The following HPSE2 variants were observed in gnomAD, a reference collection of about 807,000 sequenced individuals.
HPSE2 encodes the protein inactive heparanase-2.
A neutral mutation model predicts 60.5 loss-of-function variants in HPSE2; 38 were observed. That is an observed-to-expected ratio of 0.63 (90% confidence interval 0.48 to 0.82). The LOEUF (loss-of-function observed/expected upper bound fraction) is 0.82, where lower values mean the gene tolerates loss of function less well. Among genes scored for constraint, HPSE2 ranks in the 40% least tolerant of loss-of-function variants. The pLI is 0.00. For missense variants in HPSE2, 713 were observed against 740.4 expected (o/e 0.96, Z 0.43); for synonymous variants, 295 against 293.2 (o/e 1.01, Z -0.06).
intron 4 of HPSE2, among the ~76,000 whole-genome samples, chr10:98,741,092 TTTA>T (rs1270111183): frequency 6.6e-6 from 1 of 152,162 alleles, no homozygotes; most frequent in Non-Finnish European, 1.5e-5. Flanking sequence ...TTAATAATCA[TTTA>T]TTATTTATTA....
intron 3 of HPSE2, among the ~76,000 whole-genome samples, chr10:99,063,200 T>C (rs569489727): frequency 6.6e-6 from 1 of 152,266 alleles, no homozygotes; most frequent in South Asian, 2.1e-4. Flanking sequence ...ATAAATTTTT[T>C]GGAAGAAAAG....
At chr10:98,985,246 G>T (rs1956312853) in intron 3 of HPSE2, among the ~76,000 whole-genome samples, 1 of 152,160 alleles carries the variant, frequency 6.6e-6, no homozygotes, top group Non-Finnish European at 1.5e-5. Context: ...AGAGAGAAAG[G>T]TCAGGTTACC....
intron 3 of HPSE2, among the ~76,000 whole-genome samples, chr10:99,005,638 A>G (rs1321244149): frequency 6.6e-6 from 1 of 152,078 alleles, no homozygotes; most frequent in Non-Finnish European, 1.5e-5. Flanking sequence ...ACTGTTTTTT[A>G]GGCAGTTCAT....
At chr10:98,670,803 T>C (rs1947486635) in intron 6 of HPSE2, among the ~76,000 whole-genome samples, 2 of 152,250 alleles carry the variant, frequency 1.3e-5, no homozygotes, top group African/African-American at 4.8e-5. Flanking sequence ...ACATATCCCC[T>C]AGATTGCTCA....
At chr10:98,477,586 C>G (rs190056912) in intron 11 of HPSE2, among the ~76,000 whole-genome samples, 85 of 152,340 alleles carry the variant, frequency 5.6e-4, no homozygotes, top group Non-Finnish European at 7.6e-4. Flanking sequence ...AGGGAGAACA[C>G]TGGGATCTGA....
chr10:98,735,409 G>T (rs1367138119), intron 4 of HPSE2, among the ~76,000 whole-genome samples: 1 of 150,856 alleles, frequency 6.6e-6, no homozygotes, highest in African/African-American at 2.4e-5. Context: ...CTACAGGGGT[G>T]AAGCCCTCAC....
chr10:98,953,503 G>C (rs565962075), intron 3 of HPSE2, among the ~76,000 whole-genome samples: 2 of 152,190 alleles, frequency 1.3e-5, no homozygotes, highest in East Asian at 3.9e-4. Flanking sequence ...TTCTACCCCC[G>C]ATCTAGGTCT....
Position 99,132,570 on chromosome 10 carries a change from T to C in HPSE2, c.610+11668A>G, listed in dbSNP as rs573911663. Among the ~76,000 whole-genome samples the C allele has an allele frequency of 4.6e-5, 7 of 152,004 alleles. No homozygotes were observed. In the East Asian group the frequency reaches 1.2e-3, roughly 26 times the overall value. ...GTTCATCGCATTGGGTCTGGTTGGA[T>C]AGTAGGTGCAGCCCATGGAGAGCAA... is the stretch of plus-strand genomic sequence containing the variant. On this transcript the variant is annotated intron_variant, in intron 3 of 11. Coordinates refer to ENST00000370552, the MANE Select transcript of HPSE2 (RefSeq NM_021828.5).
chr10:99,014,174 A>G (rs767639770), intron 3 of HPSE2, among the ~76,000 whole-genome samples: 7 of 152,214 alleles, frequency 4.6e-5, no homozygotes, highest in South Asian at 2.1e-4. Context: ...GCTCGTGGAC[A>G]TTGCCACCAA....
chr10:98,664,408 G>A (rs1947306615), intron 6 of HPSE2, among the ~76,000 whole-genome samples: 1 of 152,106 alleles, frequency 6.6e-6, no homozygotes, highest in South Asian at 2.1e-4. Context: ...CAAGAAGGGT[G>A]TAGCCTGTTT....
At chr10:99,211,002 A>C (rs968476020) in intron 2 of HPSE2, among the ~76,000 whole-genome samples, 18 of 152,300 alleles carry the variant, frequency 1.2e-4, no homozygotes, top group African/African-American at 4.3e-4. Context: ...ACATAATCTT[A>C]TATCTAGAAA....
At position 98,721,668 on chromosome 10, in the gene HPSE2, G is replaced by T; in HGVS notation, c.945C>A (p.Ala315=). ...ATAATCTGACCTACCCATCTAGGAG[G>T]GCGATGACATTCTTCCTCGGCCGCC... ...NIGRPRKNVI[A]LLDGFMKVAG... The change falls in exon 5 of 12, where the codon GCC becomes GCA. Residue 315 remains alanine, a synonymous_variant. Coordinates refer to ENST00000370552, the MANE Select transcript of HPSE2 (RefSeq NM_021828.5). 6.2e-7 allele frequency: 1 copy of T among 1,613,526 alleles called. No homozygotes were observed.
chr10:98,740,513 TTC>T (rs1199705142), intron 4 of HPSE2, among the ~76,000 whole-genome samples: 1 of 152,140 alleles, frequency 6.6e-6, no homozygotes. Context: ...ATCCTAACCT[TTC>T]TCATCTTTGC....
At chr10:98,506,169 CTT>C (rs1942193099) in intron 9 of HPSE2, among the ~76,000 whole-genome samples, 1 of 152,018 alleles carries the variant, frequency 6.6e-6, no homozygotes, top group African/African-American at 2.4e-5. Context: ...AGTAGGGAAT[CTT>C]TATTTTCTCT....
At chr10:99,164,406 AT>A (rs1385256100) in intron 2 of HPSE2, among the ~76,000 whole-genome samples, 35 of 148,468 alleles carry the variant, frequency 2.4e-4, no homozygotes, top group Admixed American at 5.4e-4. Flanking sequence ...TCCTCAATCT[AT>A]TTTTTTTTAA....
At chr10:98,866,957 A>C (rs962596387) in intron 3 of HPSE2, among the ~76,000 whole-genome samples, 2 of 152,200 alleles carry the variant, frequency 1.3e-5, no homozygotes, top group African/African-American at 4.8e-5. Flanking sequence ...AGTACTGGAA[A>C]TGGTAACTAC....
chr10:98,562,304 T>C (rs472459), intron 9 of HPSE2, among the ~76,000 whole-genome samples: 129,294 of 152,150 alleles, frequency 0.85, 56,206 homozygotes, highest in East Asian at 1. Context: ...TTGCTAACAA[T>C]GCATTTCTTA....
chr10:99,112,928 T>G (rs1007578465), intron 3 of HPSE2, among the ~76,000 whole-genome samples: 1 of 147,390 alleles, frequency 6.8e-6, no homozygotes, highest in African/African-American at 2.4e-5. Flanking sequence ...ATAAACTATG[T>G]TTCTTTTAAG....
chr10:98,686,016 T>C (rs1390183672), intron 6 of HPSE2, among the ~76,000 whole-genome samples: 2 of 152,204 alleles, frequency 1.3e-5, no homozygotes, highest in Non-Finnish European at 2.9e-5. Context: ...TCATTCTTGA[T>C]ACTTGCAATT....
Sources: gnomAD v4.1 joint callset for allele counts (sites outside exome capture counted in the v4.1 genomes callset) on GRCh38, gnomAD v4.1.1 for gene constraint, MANE v1.5 for transcripts, NCBI Gene and HGNC (gene_info 2026-07-23, HGNC 2026-07-21) for gene names.